Variants in ASTN2 observed in about 807,000 individuals in gnomAD.
ASTN2 encodes the protein astrotactin-2.
In ASTN2, 54 loss-of-function variants were observed where a neutral mutation model predicts 139.8. That is an observed-to-expected ratio of 0.39 (90% confidence interval 0.31 to 0.48). The LOEUF (loss-of-function observed/expected upper bound fraction) is 0.48. Ranked by LOEUF, ASTN2 falls within the 20% of genes least tolerant of loss-of-function variation. The pLI, the probability that ASTN2 is intolerant of heterozygous loss-of-function variation, is 0.95. For synonymous variants in ASTN2, 756 were observed against 719.5 expected (o/e 1.05, Z -0.81); for missense variants, 1,565 against 1,725.1 (o/e 0.91, Z 1.64).
intron 19 of ASTN2, among the ~76,000 whole-genome samples, chr9:116,492,062 T>C (rs773542836): frequency 4.0e-5 from 6 of 151,802 alleles, no homozygotes; most frequent in Non-Finnish European, 8.8e-5. Flanking sequence ...GTGTATCAAC[T>C]ACTACTGTTT....
intron 1 of ASTN2, among the ~76,000 whole-genome samples, chr9:117,406,541 C>T (rs927260483): frequency 2.6e-5 from 4 of 152,022 alleles, no homozygotes; most frequent in Non-Finnish European, 5.9e-5. Flanking sequence ...TTCATGCTGT[C>T]CCTTGAAAGG....
At chr9:116,948,954 G>A (rs1249015130) in intron 10 of ASTN2, among the ~76,000 whole-genome samples, 2 of 151,394 alleles carry the variant, frequency 1.3e-5, no homozygotes. Context: ...ACCACCATTG[G>A]CTAATTTTTT....
At chr9:116,856,791 C>T (rs148896818) in intron 11 of ASTN2, among the ~76,000 whole-genome samples, 28 of 152,270 alleles carry the variant, frequency 1.8e-4, no homozygotes, top group East Asian at 7.7e-4. Context: ...GGGGCAGAGG[C>T]GGCAGAAATG....
intron 19 of ASTN2, among the ~76,000 whole-genome samples, chr9:116,506,419 C>T (rs1192422713): frequency 6.6e-6 from 1 of 152,200 alleles, no homozygotes; most frequent in Admixed American, 6.5e-5. Flanking sequence ...CCTTCACCTC[C>T]AAGCATGCCC....
At chr9:117,324,356 A>T (rs529209573) in intron 1 of ASTN2, among the ~76,000 whole-genome samples, 1 of 152,342 alleles carries the variant, frequency 6.6e-6, no homozygotes, top group African/African-American at 2.4e-5. Context: ...AAGGAGGTTT[A>T]ATTGGTTCAC....
At chr9:117,210,851 C>A (rs958844245) in intron 3 of ASTN2, among the ~76,000 whole-genome samples, 1 of 151,784 alleles carries the variant, frequency 6.6e-6, no homozygotes, top group African/African-American at 2.4e-5. Flanking sequence ...AGATAATACA[C>A]CATGATCAAG....
intron 11 of ASTN2, among the ~76,000 whole-genome samples, chr9:116,821,193 A>G (rs945040377): frequency 5.9e-5 from 9 of 152,260 alleles, no homozygotes; most frequent in Admixed American, 3.9e-4. Context: ...AGGCTGCCAG[A>G]TATATATTTA....
At chr9:117,097,139 T>C (rs1402560029) in intron 4 of ASTN2, among the ~76,000 whole-genome samples, 1 of 152,022 alleles carries the variant, frequency 6.6e-6, no homozygotes, top group Admixed American at 6.6e-5. Flanking sequence ...CCTAGGTGAA[T>C]GGAGGTCAGG....
chr9:117,146,276 A>T (rs1431462706), intron 3 of ASTN2, among the ~76,000 whole-genome samples: 1 of 152,096 alleles, frequency 6.6e-6, no homozygotes, highest in African/African-American at 2.4e-5. Context: ...AATGCAACAG[A>T]TGCTGCTTGA....
In ASTN2 at chr9:117,346,545, T is replaced by G. The variant is rs1394573808; in HGVS notation, c.443-55032A>C. Among the ~76,000 whole-genome samples, 3 of 152,176 alleles carry G rather than the reference T, an allele frequency of 2.0e-5. No individual in the cohort carries two copies. In the East Asian group the frequency reaches 5.8e-4, roughly 29 times the overall value. On this transcript the variant is annotated intron_variant, in intron 1 of 22. Transcript: ENST00000313400. ...TAGTGCAGTAAGAGTTGCCCAATTCTTTCATTTTACAGACATGAAAATTGA... is the reference window on the plus strand; with the variant it reads ...TAGTGCAGTAAGAGTTGCCCAATTCGTTCATTTTACAGACATGAAAATTGA...
intron 16 of ASTN2, among the ~76,000 whole-genome samples, chr9:116,707,813 T>G (rs563212436): frequency 4.1e-4 from 63 of 152,272 alleles, no homozygotes; most frequent in Admixed American, 7.8e-4. Flanking sequence ...TACCTGGAAT[T>G]CCCCTAAATT....
At chr9:116,952,865 C>T (rs1835605155) in intron 10 of ASTN2, among the ~76,000 whole-genome samples, 1 of 152,146 alleles carries the variant, frequency 6.6e-6, no homozygotes, top group South Asian at 2.1e-4. Context: ...CCACCGGTGA[C>T]TCTGAAAACA....
chr9:116,931,351 CT>C (rs1273239998), intron 10 of ASTN2, among the ~76,000 whole-genome samples: 1 of 152,182 alleles, frequency 6.6e-6, no homozygotes, highest in African/African-American at 2.4e-5. Flanking sequence ...TAGAACATCC[CT>C]GTCACAGGTG....
At chr9:116,839,320 T>A (rs1472369733) in intron 11 of ASTN2, among the ~76,000 whole-genome samples, 1 of 152,124 alleles carries the variant, frequency 6.6e-6, no homozygotes, top group Non-Finnish European at 1.5e-5. Flanking sequence ...GCTAATTTTA[T>A]TTTTATTTTT....
At chr9:116,823,388 G>A (rs1380625905) in intron 11 of ASTN2, among the ~76,000 whole-genome samples, 1 of 152,146 alleles carries the variant, frequency 6.6e-6, no homozygotes, top group African/African-American at 2.4e-5. Flanking sequence ...CTAGTTTTAA[G>A]AAGTCCTGTC....
chr9:117,040,124 C>A (rs192438100), intron 5 of ASTN2, among the ~76,000 whole-genome samples, 159 bp from the exon 6 acceptor site: 4 of 152,312 alleles, frequency 2.6e-5, no homozygotes, highest in African/African-American at 9.6e-5. Flanking sequence ...TGCTATGACA[C>A]CTCAGTGGGC....
intron 4 of ASTN2, among the ~76,000 whole-genome samples, chr9:117,099,891 T>C (rs889018504): frequency 2.0e-5 from 3 of 152,208 alleles, no homozygotes; most frequent in Non-Finnish European, 4.4e-5. Flanking sequence ...AGAGAGGTGA[T>C]ACGAGGTAGT....
At chr9:116,635,407 T>C (rs1857025913) in intron 17 of ASTN2, among the ~76,000 whole-genome samples, 1 of 152,198 alleles carries the variant, frequency 6.6e-6, no homozygotes, top group African/African-American at 2.4e-5. Context: ...AATATCAAAA[T>C]CTCACTGGTA....
chr9:117,086,591 A>G (rs1026196894), intron 5 of ASTN2, among the ~76,000 whole-genome samples: 3 of 151,918 alleles, frequency 2.0e-5, no homozygotes, highest in African/African-American at 7.3e-5. Context: ...AAACAAACAA[A>G]AACAAAACAC....
Sources: allele counts gnomAD v4.1 joint callset (sites outside exome capture counted in the v4.1 genomes callset), GRCh38; gene constraint gnomAD v4.1.1; transcripts MANE v1.5; gene names NCBI Gene and HGNC (gene_info 2026-07-23, HGNC 2026-07-21).